Variants in PHF20L1 observed in about 807,000 individuals in gnomAD.
PHF20L1 encodes the protein PHD finger protein 20 like 1, also known as PHD finger protein 20-like protein 1.
A neutral mutation model predicts 125.5 loss-of-function variants in PHF20L1; 44 were observed. That is an observed-to-expected ratio of 0.35 (90% CI 0.28 to 0.45). The LOEUF (loss-of-function observed/expected upper bound fraction) is 0.45, where lower values mean the gene tolerates loss of function less well. Among genes scored for constraint, PHF20L1 ranks in the 20% least tolerant of loss-of-function variants. The pLI is 1.00. For synonymous variants in PHF20L1, 380 were observed against 403.1 expected (o/e 0.94, Z 0.69); for missense variants, 1,012 against 1,217.2 (o/e 0.83, Z 2.51).
chr8:132,781,095 C>G (rs1277210250), intron 2 of PHF20L1, among the ~76,000 whole-genome samples: 1 of 151,996 alleles, frequency 6.6e-6, no homozygotes, highest in Non-Finnish European at 1.5e-5. Context: ...AAATGATCCT[C>G]CCACCTCAGC....
At chr8:132,832,143 G>A in intron 14 of PHF20L1, 92 bp from the exon 15 acceptor site, 1 of 788,142 alleles carries the variant, frequency 1.3e-6, no homozygotes, top group African/African-American at 1.7e-5. Flanking sequence ...ATGATTATTT[G>A]GTGTATCCTG....
intron 2 of PHF20L1, among the ~76,000 whole-genome samples, chr8:132,790,413 G>T (rs575130882): frequency 1.3e-5 from 2 of 152,094 alleles, no homozygotes; most frequent in South Asian, 4.2e-4. Flanking sequence ...TTTTCCTCTC[G>T]CAGTGTAACT....
chr8:132,824,989 A>C lies in PHF20L1; in HGVS notation c.1637-275A>C, dbSNP rs369196108. ...TTCTTACCACATCAGGAAATTGAGA[A>C]TATTACTCATTGAAGGTTTTAACTA... On this transcript the variant is annotated intron_variant, in intron 13 of 20. Transcript: ENST00000395386. 9 of 1,364,924 alleles carry C rather than the reference A, an allele frequency of 6.6e-6. No homozygotes were observed. The African/African-American group carries it at 8.8e-5, about 13-fold the overall frequency. 84.6% of individuals were successfully genotyped at this position (1,364,924 alleles called of 1,614,324 possible).
At chr8:132,840,843 T>G (rs1837859190) in intron 18 of PHF20L1, among the ~76,000 whole-genome samples, 1 of 152,134 alleles carries the variant, frequency 6.6e-6, no homozygotes, top group Non-Finnish European at 1.5e-5. Flanking sequence ...TGTCTCCCCT[T>G]ACTAAGTCAT....
chr8:132,811,269 T>G, intron 9 of PHF20L1, 141 bp downstream of exon 9: 1 of 1,435,852 alleles, frequency 7.0e-7, no homozygotes, highest in Non-Finnish European at 9.2e-7. Flanking sequence ...TTTTTAACTC[T>G]GCCTTCTCCA....
chr8:132,784,320 C>G (rs1461078785), intron 2 of PHF20L1, among the ~76,000 whole-genome samples: 6 of 152,046 alleles, frequency 3.9e-5, no homozygotes, highest in Non-Finnish European at 8.8e-5. Flanking sequence ...ATAAATTAAA[C>G]TGGAAGTCAT....
chr8:132,843,402 A>AT (rs991789033), intron 19 of PHF20L1: 3 of 980,730 alleles, frequency 3.1e-6, no homozygotes, highest in Admixed American at 1.2e-4. Context: ...ATGTACCTTT[A>AT]TTTTTTACTG....
At chr8:132,835,828 G>T (rs966323876) in intron 15 of PHF20L1, among the ~76,000 whole-genome samples, 3 of 152,042 alleles carry the variant, frequency 2.0e-5, no homozygotes, top group African/African-American at 7.2e-5. Context: ...TATATCCTGT[G>T]TTTAAAGTGC....
At chr8:132,832,523 C>T (rs1253737869) in intron 15 of PHF20L1, 124 bp downstream of exon 15, 101 of 618,926 alleles carry the variant, frequency 1.6e-4, no homozygotes, top group Non-Finnish European at 5.5e-6. Context: ...ATATGAAAGT[C>T]TTGATGTGAG....
rs915503033 is a variant in PHF20L1 at position 132,809,923 on chromosome 8, G to A, written c.848-1123G>A. The A allele has an allele frequency of 2.6e-5, 4 of 152,128 alleles. No individual in the cohort carries two copies. The East Asian group carries it at 5.8e-4, about 22-fold the overall frequency. 9.4% of individuals were successfully genotyped at this position (152,128 alleles called of 1,614,324 possible). A position where few individuals can be genotyped will look rare whatever the true frequency, so the allele number is the denominator to read the frequency against. On this transcript the variant is annotated intron_variant, in intron 8 of 20. Transcript: ENST00000395386. ...CAAGGCTTATAAACTAGACTTCATC[G>A]AAGGTTACCTGACAGGCTTAGCAAA...
At chr8:132,808,844 T>C (rs2131608482) in intron 8 of PHF20L1, 1 of 149,528 alleles carries the variant, frequency 6.7e-6, no homozygotes, top group South Asian at 2.1e-4. Flanking sequence ...AATCTCAAAC[T>C]GGGACAAACA....
At chr8:132,795,137 A>G (rs899888454) in intron 4 of PHF20L1, among the ~76,000 whole-genome samples, 16 of 152,138 alleles carry the variant, frequency 1.1e-4, no homozygotes, top group Non-Finnish European at 1.3e-4. Context: ...ATATTTATGA[A>G]CATCTACCCA....
At chr8:132,801,463 C>T (rs1310159721) in intron 6 of PHF20L1, among the ~76,000 whole-genome samples, 1 of 151,626 alleles carries the variant, frequency 6.6e-6, no homozygotes, top group Non-Finnish European at 1.5e-5. Flanking sequence ...AAACACAGTG[C>T]CCTTTTTAAT....
At chr8:132,811,764 T>TA (rs1176135389) in intron 9 of PHF20L1, 2 of 984,712 alleles carry the variant, frequency 2.0e-6, no homozygotes. Flanking sequence ...TTACATTCTC[T>TA]AAGGGCTTAA....
intron 8 of PHF20L1, 119 bp downstream of exon 8, chr8:132,804,859 GA>G: frequency 4.8e-6 from 4 of 836,316 alleles, no homozygotes; most frequent in Non-Finnish European, 7.5e-6. Flanking sequence ...TAATAACAAA[GA>G]CAATTACTTT....
chr8:132,799,348 T>A, intron 6 of PHF20L1, 176 bp downstream of exon 6: 1 of 484,134 alleles, frequency 2.1e-6, no homozygotes, highest in Non-Finnish European at 3.7e-6. Flanking sequence ...CTCTGTAGGC[T>A]GTTTCAGATA....
intron 5 of PHF20L1, 85 bp from the exon 6 acceptor site, chr8:132,799,005 AAGCTT>A: frequency 2.4e-6 from 3 of 1,232,054 alleles, no homozygotes; most frequent in Non-Finnish European, 3.5e-6. Context: ...CAAGAAAAGG[AAGCTT>A]AGACTGTAAA....
At chr8:132,812,839 T>A in intron 9 of PHF20L1, 2 of 981,386 alleles carry the variant, frequency 2.0e-6, no homozygotes, top group Non-Finnish European at 2.4e-6. Context: ...TGACATAGAT[T>A]GATAACAGGC....
intron 4 of PHF20L1, among the ~76,000 whole-genome samples, 178 bp downstream of exon 4, chr8:132,794,995 T>C (rs1309891344): frequency 6.6e-6 from 1 of 152,184 alleles, no homozygotes; most frequent in Non-Finnish European, 1.5e-5. Flanking sequence ...AAATGCTATA[T>C]GGTTTGCTAC....
Sources: gnomAD v4.1 joint callset for allele counts (sites outside exome capture counted in the v4.1 genomes callset) on GRCh38, gnomAD v4.1.1 for gene constraint, MANE v1.5 for transcripts, NCBI Gene and HGNC (gene_info 2026-07-23, HGNC 2026-07-21) for gene names.